The following CSNK1G3 variants were observed in gnomAD, a reference collection of about 807,000 sequenced individuals.
CSNK1G3 encodes the protein casein kinase I isoform gamma-3.
In CSNK1G3, 23 loss-of-function variants were observed where a neutral mutation model predicts 64.3. The observed-to-expected ratio is 0.36, with a 90% CI of 0.26 to 0.51. CSNK1G3 has a LOEUF of 0.51. Ranked by LOEUF, CSNK1G3 falls within the 20% of genes least tolerant of loss-of-function variation. The pLI, the probability that CSNK1G3 is intolerant of heterozygous loss-of-function variation, is 0.96. For synonymous variants in CSNK1G3, 158 were observed against 162.2 expected, an observed-to-expected ratio of 0.97 and a Z score of 0.20; for missense variants, 357 against 510.5, an observed-to-expected ratio of 0.70 and a Z score of 2.90.
chr5:123,519,241 A>C (rs972797849), intron 1 of CSNK1G3, among the ~76,000 whole-genome samples: 1 of 151,414 alleles, frequency 6.6e-6, no homozygotes, highest in Non-Finnish European at 1.5e-5. Flanking sequence ...TTTAGTAGAG[A>C]CGGGGTTTTG....
chr5:123,586,148 A>G (rs1055613713), intron 6 of CSNK1G3, among the ~76,000 whole-genome samples: 10 of 152,232 alleles, frequency 6.6e-5, no homozygotes, highest in Admixed American at 6.5e-5. Context: ...CTGAAAACAT[A>G]GTAAGTGAAA....
chr5:123,531,574 ATTGT>A lies in CSNK1G3; in HGVS notation c.-247-13838_-247-13835del, dbSNP rs561192169. On this transcript the variant is annotated intron_variant, in intron 1 of 12. Coordinates refer to ENST00000345990, the Ensembl canonical transcript of CSNK1G3. ...TAGATATTACTATATCAAAATTGTA[ATTGT>A]TTGTGAAAGCAAATAAATTATTTAT... is the stretch of plus-strand genomic sequence containing the variant. Among the ~76,000 whole-genome samples, 446 of 152,152 alleles carry A rather than the reference ATTGT, an allele frequency of 2.9e-3. 4 individuals carry two copies. Among genetic ancestry groups the A allele is most frequent in the Non-Finnish European group, 3.8e-3 (256 of 67,902 alleles).
intron 1 of CSNK1G3, among the ~76,000 whole-genome samples, chr5:123,537,879 C>A (rs1306262987): frequency 6.6e-6 from 1 of 152,140 alleles, no homozygotes; most frequent in Non-Finnish European, 1.5e-5. Flanking sequence ...GGATTTCTAT[C>A]ACCACAGCTT....
chr5:123,513,840 A>C (rs548658157), intron 1 of CSNK1G3, among the ~76,000 whole-genome samples: 2 of 152,324 alleles, frequency 1.3e-5, no homozygotes, highest in South Asian at 4.1e-4. Context: ...GTTTAAGAAA[A>C]TATTTTTCAC....
intron 4 of CSNK1G3, among the ~76,000 whole-genome samples, chr5:123,565,571 C>A (rs1203907094): frequency 6.6e-6 from 1 of 152,070 alleles, no homozygotes; most frequent in Non-Finnish European, 1.5e-5. Context: ...TGTTCTAATT[C>A]TTCTTATTTG....
Position 123,587,207 on chromosome 5 carries a change from T to C in CSNK1G3, c.674-861T>C, listed in dbSNP as rs1027113592. Among the ~76,000 whole-genome samples, 9 of 152,212 alleles carry C rather than the reference T, an allele frequency of 5.9e-5. No individual in the cohort carries two copies. The East Asian group carries it at 7.7e-4, about 13-fold the overall frequency. The stretch of plus-strand genomic sequence containing the variant: ...CAGAGCCATACTTTGAAAAGTTTGC[T>C]TTTCTGAAAGCATTAAGTACTGCCT... On this transcript the variant is annotated intron_variant, in intron 6 of 12. Coordinates refer to ENST00000345990, the Ensembl canonical transcript of CSNK1G3.
intron 1 of CSNK1G3, among the ~76,000 whole-genome samples, chr5:123,544,535 A>G (rs1377448746): frequency 6.6e-6 from 1 of 152,220 alleles, no homozygotes; most frequent in Non-Finnish European, 1.5e-5. Context: ...TTTTGAATTT[A>G]TAACTTCTTT....
At chr5:123,514,566 G>T (rs1245932020) in intron 1 of CSNK1G3, among the ~76,000 whole-genome samples, 1 of 152,160 alleles carries the variant, frequency 6.6e-6, no homozygotes, top group Non-Finnish European at 1.5e-5. Context: ...ACAGATTCCT[G>T]TGGGTTTTGT....
intron 2 of CSNK1G3, among the ~76,000 whole-genome samples, chr5:123,550,593 T>C (rs1212358024): frequency 1.3e-5 from 2 of 152,218 alleles, no homozygotes; most frequent in Non-Finnish European, 2.9e-5. Context: ...ACATAGTTTT[T>C]GATAATTACC....
At chr5:123,558,242 A>G (rs1485523945) in intron 4 of CSNK1G3, among the ~76,000 whole-genome samples, 1 of 152,200 alleles carries the variant, frequency 6.6e-6, no homozygotes, top group Non-Finnish European at 1.5e-5. Context: ...AATTTGTAGT[A>G]ATTTGTTACA....
At chr5:123,572,168 C>T (rs897473469) in intron 4 of CSNK1G3, among the ~76,000 whole-genome samples, 62 of 152,014 alleles carry the variant, frequency 4.1e-4, no homozygotes, top group African/African-American at 1.4e-3. Flanking sequence ...TGTGGTAGTT[C>T]TTCTTATCAG....
intron 10 of CSNK1G3, 28 bp downstream of exon 10, chr5:123,591,442 C>T: frequency 6.9e-7 from 1 of 1,443,534 alleles, no homozygotes; most frequent in East Asian, 2.3e-5. Context: ...TATGAAATAC[C>T]TTCCTTTCAT....
intron 1 of CSNK1G3, among the ~76,000 whole-genome samples, chr5:123,524,689 C>G (rs1304030338): frequency 6.6e-6 from 1 of 152,034 alleles, no homozygotes. Context: ...TTATAGTTAT[C>G]GTATTCTGTA....
intron 3 of CSNK1G3, 49 bp downstream of exon 3, chr5:123,553,196 T>A: frequency 2.1e-6 from 2 of 967,288 alleles, no homozygotes; most frequent in Non-Finnish European, 1.5e-6. Flanking sequence ...TGTTACTTTT[T>A]AAGTAACTTA....
intron 4 of CSNK1G3, among the ~76,000 whole-genome samples, chr5:123,572,119 T>C (rs1788234234): frequency 6.6e-6 from 1 of 152,184 alleles, no homozygotes; most frequent in Admixed American, 6.5e-5. Flanking sequence ...TGTAAAGTTG[T>C]GGTGGCTTTT....
At chr5:123,573,458 C>T in exon 5 of CSNK1G3, 1 of 1,613,940 alleles carries the variant, frequency 6.2e-7, no homozygotes, top group South Asian at 1.1e-5. Flanking sequence ...GCTGGAACTG[C>T]TGGGACCTAG....
intron 3 of CSNK1G3, among the ~76,000 whole-genome samples, chr5:123,553,739 A>G (rs1784117696): frequency 6.6e-6 from 1 of 152,224 alleles, no homozygotes; most frequent in African/African-American, 2.4e-5. Context: ...CTCTTTGGAA[A>G]AATTGGGATC....
chr5:123,593,473 G>C (rs1193422307), intron 10 of CSNK1G3, among the ~76,000 whole-genome samples: 3 of 151,940 alleles, frequency 2.0e-5, no homozygotes, highest in African/African-American at 7.2e-5. Flanking sequence ...AAGTTGAGGG[G>C]ATCCTGAAAT....
chr5:123,607,119 G>A (rs1274735080), intron 12 of CSNK1G3, among the ~76,000 whole-genome samples: 1 of 151,948 alleles, frequency 6.6e-6, no homozygotes, highest in African/African-American at 2.4e-5. Flanking sequence ...TGGTGGGAAG[G>A]CTATTGCTAT....
Sources: gnomAD v4.1 joint callset for allele counts (sites outside exome capture counted in the v4.1 genomes callset) on GRCh38, gnomAD v4.1.1 for gene constraint, MANE v1.5 for transcripts, NCBI Gene and HGNC (gene_info 2026-07-23, HGNC 2026-07-21) for gene names.